The following GMDS variants were observed in gnomAD, a reference collection of about 807,000 sequenced individuals.
The protein encoded by GMDS is GDP-mannose 4,6 dehydratase.
Under a neutral mutation model 49.9 loss-of-function variants are expected in GMDS, and 20 were observed. That is an observed-to-expected ratio of 0.40 (90% CI 0.28 to 0.58). The LOEUF (loss-of-function observed/expected upper bound fraction) is 0.58, where lower values mean the gene tolerates loss of function less well. Among genes scored for constraint, GMDS ranks in the 20% least tolerant of loss-of-function variants. The pLI is 0.42. For missense variants in GMDS, 362 were observed against 481.4 expected (o/e 0.75, Z 2.32); for synonymous variants, 177 against 178.6 (o/e 0.99, Z 0.07).
At chr6:1,816,940 T>A (rs1390046498) in intron 7 of GMDS, among the ~76,000 whole-genome samples, 3 of 151,468 alleles carry the variant, frequency 2.0e-5, no homozygotes, top group Non-Finnish European at 4.4e-5. Context: ...CTGGGTGGGG[T>A]TGTCACAGAG....
chr6:2,047,321 T>A (rs1198977998), intron 4 of GMDS, among the ~76,000 whole-genome samples: 1 of 152,114 alleles, frequency 6.6e-6, no homozygotes, highest in Non-Finnish European at 1.5e-5. Context: ...GATTCACCAA[T>A]GTAATTTTAC....
At chr6:1,915,087 C>T (rs1315612785) in intron 7 of GMDS, among the ~76,000 whole-genome samples, 3 of 152,222 alleles carry the variant, frequency 2.0e-5, no homozygotes, top group African/African-American at 7.2e-5. Flanking sequence ...AGACCTCGAA[C>T]CATCCACTGT....
intron 9 of GMDS, among the ~76,000 whole-genome samples, chr6:1,720,742 G>A (rs1000583002): frequency 1.1e-4 from 17 of 152,090 alleles, no homozygotes; most frequent in African/African-American, 4.1e-4. Flanking sequence ...CCTGGCTCCC[G>A]CTGGTCAGAG....
intron 1 of GMDS, among the ~76,000 whole-genome samples, chr6:2,231,977 G>A (rs1781130221): frequency 6.6e-6 from 1 of 152,116 alleles, no homozygotes; most frequent in African/African-American, 2.4e-5. Context: ...TTCAATAGGT[G>A]GTTCCCAAAT....
At chr6:2,065,665 G>T (rs2127452849) in intron 4 of GMDS, among the ~76,000 whole-genome samples, 1 of 152,196 alleles carries the variant, frequency 6.6e-6, no homozygotes, top group African/African-American at 2.4e-5. Context: ...GGAAGAAAGG[G>T]TATCAGCAAT....
rs1763297069 is a variant in GMDS at position 1,640,509 on chromosome 6, G to GCTGAGCGGCTCTCTGAGGCTATCC, written c.988-15993_988-15970dup. 6.6e-6 allele frequency among the ~76,000 whole-genome samples: 1 copy of GCTGAGCGGCTCTCTGAGGCTATCC among 152,184 alleles called. No individual in the cohort carries two copies. Among genetic ancestry groups the GCTGAGCGGCTCTCTGAGGCTATCC allele is most frequent in the Admixed American group, 6.5e-5 (1 of 15,282 alleles). On this transcript the variant is annotated intron_variant, in intron 9 of 10. Transcript: ENST00000380815. This position sits in a 1 kb window ranked among gnomAD's most constrained non-coding sequence, Gnocchi z 4.0. ...AGCCTTGAACCTCCCTGACCTCTCT[G>GCTGAGCGGCTCTCTGAGGCTATCC]CTGAGCGGCTCTCTGAGGCTATCCC... is the stretch of plus-strand genomic sequence containing the variant.
intron 1 of GMDS, among the ~76,000 whole-genome samples, chr6:2,195,491 T>C (rs1415499772): frequency 2.0e-5 from 3 of 152,186 alleles, no homozygotes; most frequent in African/African-American, 7.2e-5. Flanking sequence ...GTAAAGCAAA[T>C]ACTTTGACAT....
intron 7 of GMDS, among the ~76,000 whole-genome samples, chr6:1,861,113 C>T (rs1280980153): frequency 6.6e-6 from 1 of 152,190 alleles, no homozygotes; most frequent in Non-Finnish European, 1.5e-5. Context: ...AGTAAGATGT[C>T]TGCTTCTGAG....
At chr6:1,668,552 A>G (rs1764305806) in intron 9 of GMDS, among the ~76,000 whole-genome samples, 1 of 152,138 alleles carries the variant, frequency 6.6e-6, no homozygotes, top group Non-Finnish European at 1.5e-5. Context: ...TCTACTAAAA[A>G]TACAAAAATT....
intron 7 of GMDS, among the ~76,000 whole-genome samples, chr6:1,927,821 G>A (rs146331226): frequency 1.8e-4 from 27 of 152,252 alleles, no homozygotes; most frequent in African/African-American, 6.5e-4. Flanking sequence ...TTTCTGAAAT[G>A]TCACCTCCTA....
At chr6:1,947,691 T>C (rs182101271) in intron 6 of GMDS, among the ~76,000 whole-genome samples, 2 of 152,308 alleles carry the variant, frequency 1.3e-5, no homozygotes, top group African/African-American at 4.8e-5. Context: ...TCTGGGAATT[T>C]TTTACTCTAG....
At chr6:1,756,410 C>T (rs1287657743) in intron 7 of GMDS, among the ~76,000 whole-genome samples, 1 of 152,110 alleles carries the variant, frequency 6.6e-6, no homozygotes, top group Non-Finnish European at 1.5e-5. Flanking sequence ...ATTACAGGCA[C>T]CTACCACCAC....
intron 4 of GMDS, among the ~76,000 whole-genome samples, chr6:2,058,561 G>A (rs1393677397): frequency 6.6e-6 from 1 of 152,126 alleles, no homozygotes; most frequent in African/African-American, 2.4e-5. Flanking sequence ...GAGAGGTAGA[G>A]AGTTCCATAT....
rs890113982 is a variant in GMDS, at chr6:1,640,345, G to A, written c.988-15805C>T. Among the ~76,000 whole-genome samples, 3 of 152,192 alleles carry A rather than the reference G, an allele frequency of 2.0e-5. No homozygotes were observed. Among genetic ancestry groups the A allele is most frequent in the Admixed American group, 6.5e-5 (1 of 15,274 alleles). On this transcript the variant is annotated intron_variant, in intron 9 of 10. Transcript: ENST00000380815. The surrounding 1 kb of genome is among the most constrained non-coding windows in gnomAD (Gnocchi z 4.0). ...CTTAGGTTGACACTAGATTCACCACGTTTGAGGTGGCTTGGTGTCCTCATC... is the reference window on the plus strand; with the variant it reads ...CTTAGGTTGACACTAGATTCACCACATTTGAGGTGGCTTGGTGTCCTCATC...
At chr6:2,212,352 A>G (rs888703644) in intron 1 of GMDS, among the ~76,000 whole-genome samples, 5 of 152,202 alleles carry the variant, frequency 3.3e-5, no homozygotes, top group African/African-American at 9.7e-5. Flanking sequence ...AATCCACCCA[A>G]GCTTAGACAA....
chr6:1,763,021 C>G (rs1043860859), intron 7 of GMDS, among the ~76,000 whole-genome samples: 1 of 152,200 alleles, frequency 6.6e-6, no homozygotes, highest in Non-Finnish European at 1.5e-5. Context: ...TGTACTTTTA[C>G]TGCTCTTGAA....
chr6:2,241,434 T>TG (rs1322733050), intron 1 of GMDS, among the ~76,000 whole-genome samples: 1 of 152,166 alleles, frequency 6.6e-6, no homozygotes, highest in Non-Finnish European at 1.5e-5. Flanking sequence ...GGATGAGATC[T>TG]GGGGGGTCAG....
chr6:1,815,719 CCTTTCTTTTTG>C, intron 7 of GMDS, among the ~76,000 whole-genome samples: 1 of 152,266 alleles, frequency 6.6e-6, no homozygotes, highest in East Asian at 1.9e-4. Context: ...ACTTCCAATC[CCTTTCTTTTTG>C]CTTTCTTTTT....
intron 9 of GMDS, among the ~76,000 whole-genome samples, chr6:1,662,791 G>C (rs1200403917): frequency 3.3e-5 from 5 of 152,132 alleles, no homozygotes; most frequent in Non-Finnish European, 5.9e-5. Flanking sequence ...GCTTACTGCT[G>C]CATAACATTT....
Sources: gnomAD v4.1 joint callset for allele counts (sites outside exome capture counted in the v4.1 genomes callset) on GRCh38, gnomAD v4.1.1 for gene constraint, Gnocchi (gnomAD v3.1) non-coding constraint, MANE v1.5 for transcripts, NCBI Gene and HGNC (gene_info 2026-07-23, HGNC 2026-07-21) for gene names.